Variants in RFX2 observed in about 807,000 individuals in gnomAD.
RFX2 encodes the protein DNA-binding protein RFX2.
A neutral mutation model predicts 87.8 loss-of-function variants in RFX2; 20 were observed. That is an observed-to-expected ratio of 0.23 (90% CI 0.16 to 0.33). The LOEUF (loss-of-function observed/expected upper bound fraction) is 0.33, where lower values mean the gene tolerates loss of function less well. RFX2 is among the 10% of genes least tolerant of loss of function. The pLI, the probability that RFX2 is intolerant of heterozygous loss-of-function variation, is 1.00. For synonymous variants in RFX2, 397 were observed against 431.3 expected, an observed-to-expected ratio of 0.92 and a Z score of 0.98; for missense variants, 767 against 1,012.3, an observed-to-expected ratio of 0.76 and a Z score of 3.29.
rs927766226 is a variant in RFX2, at chr19:6,044,996, T to G, written c.91-714A>C. Among the ~76,000 whole-genome samples, 2 of 152,176 alleles carry G rather than the reference T, an allele frequency of 1.3e-5. No homozygotes were observed. The highest frequency in any genetic ancestry group is 4.8e-5 in the African/African-American group (2 of 41,436). On this transcript the variant is annotated intron_variant, in intron 2 of 17. Coordinates refer to ENST00000303657, the MANE Select transcript of RFX2 (RefSeq NM_000635.4). The surrounding 1 kb of genome is among the most constrained non-coding windows in gnomAD (Gnocchi z 5.3). ...CAAAATGGGAAGGGTCAAAGTGAAC[T>G]CGAGTCGAGGGAGGAACAGGAGTGT...
At chr19:6,060,358 G>A (rs1398722509) in intron 1 of RFX2, among the ~76,000 whole-genome samples, 2 of 152,124 alleles carry the variant, frequency 1.3e-5, no homozygotes, top group Non-Finnish European at 2.9e-5. Flanking sequence ...ACAGGAAAAG[G>A]CTGCTGGCCC....
chr19:6,011,553 T>TGTC lies in RFX2; in HGVS notation c.900-1305_900-1303dup, dbSNP rs2086660088. 2.0e-5 allele frequency among the ~76,000 whole-genome samples: 3 copies of TGTC among 152,234 alleles called. No homozygotes were observed. In the South Asian group the frequency reaches 6.2e-4, roughly 32 times the overall value. On this transcript the variant is annotated intron_variant, in intron 8 of 17. Transcript: ENST00000303657. This position sits in a 1 kb window ranked among gnomAD's most constrained non-coding sequence, Gnocchi z 4.8. Reference sequence around the variant, plus strand: ...CATCAGCCTGTCCCCCTGAAATGTGTGTCGCTGCTCCTAAAATGACACACT... The same window carrying TGTC: ...CATCAGCCTGTCCCCCTGAAATGTGTGTCGTCGCTGCTCCTAAAATGACACACT...
intron 12 of RFX2, among the ~76,000 whole-genome samples, chr19:6,006,648 G>C (rs1169420742): frequency 6.6e-6 from 1 of 151,756 alleles, no homozygotes; most frequent in Non-Finnish European, 1.5e-5. Context: ...ATGGTTTTCA[G>C]CATGTTGGTC....
intron 1 of RFX2, among the ~76,000 whole-genome samples, chr19:6,069,373 T>G (rs2087560401): frequency 6.6e-6 from 1 of 151,910 alleles, no homozygotes; most frequent in Non-Finnish European, 1.5e-5. Context: ...ATAGAGAACA[T>G]GGGATGGGGC....
At chr19:6,008,253 A>G (rs1283722834) in intron 9 of RFX2, 29 bp from the exon 10 acceptor site, 1 of 1,454,866 alleles carries the variant, frequency 6.9e-7, no homozygotes, top group Admixed American at 2.1e-5. Flanking sequence ...AACATCAGAA[A>G]TGGCGAGGCT....
At chr19:6,019,509 AGTAT>A (rs1199390583) in intron 6 of RFX2, among the ~76,000 whole-genome samples, 36 of 69,862 alleles carry the variant, frequency 5.2e-4, no homozygotes, top group Non-Finnish European at 5.1e-5. Flanking sequence ...TTAGTGTGTG[AGTAT>A]GTGTGTGTGT....
rs545740651 is a variant in RFX2 at position 6,011,398 on chromosome 19, C to T, written c.900-1147G>A. Among the ~76,000 whole-genome samples the T allele has an allele frequency of 3.3e-5, 5 of 152,254 alleles. No homozygotes were observed. The highest frequency in any genetic ancestry group is 7.4e-5 in the Non-Finnish European group (5 of 68,026). On this transcript the variant is annotated intron_variant, in intron 8 of 17. Coordinates refer to ENST00000303657, the MANE Select transcript of RFX2 (RefSeq NM_000635.4). This position sits in a 1 kb window ranked among gnomAD's most constrained non-coding sequence, Gnocchi z 4.8. ...TCCAGCGGACCTCCCTCCTCAAATA[C>T]GAAGCGGGGCCAGGCCTACAGGGAG...
At chr19:6,100,490 C>T (rs1599934082) in intron 1 of RFX2, among the ~76,000 whole-genome samples, 1 of 152,116 alleles carries the variant, frequency 6.6e-6, no homozygotes, top group South Asian at 2.1e-4. Flanking sequence ...GAGGCTTTGG[C>T]GGCGACCGGA....
chr19:6,038,854 C>T (rs955260120), intron 5 of RFX2, among the ~76,000 whole-genome samples: 1 of 152,190 alleles, frequency 6.6e-6, no homozygotes, highest in African/African-American at 2.4e-5. Flanking sequence ...GCAAGAGGAA[C>T]TCTTGTATGT....
rs1030527043 is a variant in RFX2 at position 6,044,329 on chromosome 19, T to C, written c.91-47A>G. The C allele has an allele frequency of 3.4e-6, 4 of 1,192,562 alleles. No homozygotes were observed. The highest frequency in any genetic ancestry group is 2.9e-5 in the East Asian group (1 of 34,160). 73.9% of individuals were successfully genotyped at this position (1,192,562 alleles called of 1,614,324 possible). A position where few individuals can be genotyped will look rare whatever the true frequency, so the allele number is the denominator to read the frequency against. On this transcript the variant is annotated intron_variant, in intron 2 of 17. Transcript: ENST00000303657. This position sits in a 1 kb window ranked among gnomAD's most constrained non-coding sequence, Gnocchi z 5.3. ...GCCAGTTAGACTTGTCAGAGGTCAGTGCTGAGGATACACACAGAATGTAAG... is the reference window on the plus strand; with the variant it reads ...GCCAGTTAGACTTGTCAGAGGTCAGCGCTGAGGATACACACAGAATGTAAG...
intron 6 of RFX2, among the ~76,000 whole-genome samples, chr19:6,025,755 C>T (rs1392049991): frequency 6.7e-6 from 1 of 149,864 alleles, no homozygotes; most frequent in Non-Finnish European, 1.5e-5. Context: ...ACAAATGACA[C>T]TTTAAAGGTG....
At chr19:6,058,549 G>A (rs1407627285) in intron 1 of RFX2, among the ~76,000 whole-genome samples, 1 of 151,172 alleles carries the variant, frequency 6.6e-6, no homozygotes, top group Non-Finnish European at 1.5e-5. Flanking sequence ...GGCAACCATC[G>A]TTCCCTCCGT....
chr19:6,097,788 G>A (rs775191222), intron 1 of RFX2, among the ~76,000 whole-genome samples: 6 of 151,982 alleles, frequency 3.9e-5, no homozygotes, highest in African/African-American at 1.5e-4. Context: ...TTGTTATGTT[G>A]CCCAGGCTGG....
intron 1 of RFX2, chr19:6,072,719 T>A (rs1003374798): frequency 4.7e-6 from 2 of 427,700 alleles, no homozygotes; most frequent in Non-Finnish European, 8.7e-6. Flanking sequence ...AAAAGAAACA[T>A]GAAGTCTTCC....
At chr19:6,008,334 C>T in intron 9 of RFX2, 110 bp from the exon 10 acceptor site, 2 of 530,224 alleles carry the variant, frequency 3.8e-6, no homozygotes, top group Non-Finnish European at 6.6e-6. Flanking sequence ...TGCCCCACCC[C>T]ATGCAGTCAG....
Position 6,079,210 on chromosome 19 carries a change from G to A in RFX2, c.-9+31183C>T, listed in dbSNP as rs1447820463. ...CTGTTTGTGCAGGGAGTATCACTGCGATTTAGTGTACTTGGTCTAGAGTAT... is the reference window on the plus strand; with the variant it reads ...CTGTTTGTGCAGGGAGTATCACTGCAATTTAGTGTACTTGGTCTAGAGTAT... On this transcript the variant is annotated intron_variant, in intron 1 of 17. Transcript: ENST00000303657. Among the ~76,000 whole-genome samples the A allele has an allele frequency of 3.3e-5, 5 of 152,224 alleles. No individual in the cohort carries two copies. In the East Asian group the frequency reaches 9.6e-4, roughly 29 times the overall value.
rs76407260 is a variant in RFX2, at chr19:5,993,459, C to T, written c.*1376G>A. The T allele has an allele frequency of 0.11, 15,996 of 152,238 alleles. 961 individuals are homozygous for T. Among genetic ancestry groups the T allele is most frequent in the Middle Eastern group, 0.18 (54 of 292 alleles). The allele number at this position is 152,238 out of a possible 1,614,324, so 9.4% of individuals were successfully genotyped here. On this transcript the variant is annotated 3_prime_UTR_variant, in exon 18 of 18. Coordinates refer to ENST00000303657, the MANE Select transcript of RFX2 (RefSeq NM_000635.4). Reference sequence around the variant, plus strand: ...CGGGGAAGTAGGTTTTTAAAGGCCACGTGAGCTGACATTAGTACCTTCTGT... The same window carrying T: ...CGGGGAAGTAGGTTTTTAAAGGCCATGTGAGCTGACATTAGTACCTTCTGT...
chr19:6,081,089 C>T (rs2087776641), intron 1 of RFX2, among the ~76,000 whole-genome samples: 1 of 151,132 alleles, frequency 6.6e-6, no homozygotes, highest in African/African-American at 2.4e-5. Flanking sequence ...GGAGGCTCAA[C>T]CCACAGGCAC....
chr19:6,067,868 T>C (rs2087535905), intron 1 of RFX2: 1 of 152,204 alleles, frequency 6.6e-6, no homozygotes, highest in Non-Finnish European at 1.5e-5. Context: ...TTCAAGGAGC[T>C]CTCAGCGGAG....
Sources: gnomAD v4.1 joint callset for allele counts (sites outside exome capture counted in the v4.1 genomes callset) on GRCh38, gnomAD v4.1.1 for gene constraint, Gnocchi (gnomAD v3.1) non-coding constraint, MANE v1.5 for transcripts, NCBI Gene and HGNC (gene_info 2026-07-23, HGNC 2026-07-21) for gene names.